The following MB21D2 variants were observed in gnomAD, a reference collection of about 807,000 sequenced individuals.
The protein encoded by MB21D2 is nucleotidyltransferase MB21D2.
Under a neutral mutation model 33.3 loss-of-function variants are expected in MB21D2, and 9 were observed. That is an observed-to-expected ratio of 0.27 (90% CI 0.16 to 0.47). The LOEUF is 0.47. Among genes scored for constraint, MB21D2 ranks in the 20% least tolerant of loss-of-function variants. MB21D2 has a pLI of 0.99. For missense variants in MB21D2, 540 were observed against 624.6 expected (o/e 0.86, Z 1.44); for synonymous variants, 241 against 236.3 (o/e 1.02, Z -0.18).
intron 1 of MB21D2, among the ~76,000 whole-genome samples, chr3:192,891,793 T>C (rs1410366877): frequency 6.6e-6 from 1 of 152,090 alleles, no homozygotes; most frequent in Non-Finnish European, 1.5e-5. Flanking sequence ...CTTCAATAAA[T>C]GTCAGCTGTT....
chr3:192,840,490 G>A (rs578069575), intron 1 of MB21D2, among the ~76,000 whole-genome samples: 7 of 126,200 alleles, frequency 5.5e-5, no homozygotes, highest in Admixed American at 1.9e-4. Context: ...TCCAGAGAGC[G>A]TTATTGGGAG....
chr3:192,847,491 A>G (rs1161994839), intron 1 of MB21D2, among the ~76,000 whole-genome samples: 1 of 152,196 alleles, frequency 6.6e-6, no homozygotes, highest in African/African-American at 2.4e-5. Flanking sequence ...TCCTCATTGT[A>G]AAATATGATC....
chr3:192,825,555 C>T (rs1712156978), intron 1 of MB21D2, among the ~76,000 whole-genome samples: 1 of 152,204 alleles, frequency 6.6e-6, no homozygotes, highest in Non-Finnish European at 1.5e-5. Context: ...AAGCTTCCAG[C>T]CCACACAATC....
intron 1 of MB21D2, among the ~76,000 whole-genome samples, chr3:192,812,461 G>C (rs191913285): frequency 6.6e-6 from 1 of 152,326 alleles, no homozygotes; most frequent in Non-Finnish European, 1.5e-5. Context: ...AGCTGAATCA[G>C]TAAATAGATG....
intron 1 of MB21D2, among the ~76,000 whole-genome samples, chr3:192,916,856 C>T (rs562952700): frequency 6.6e-6 from 1 of 152,286 alleles, no homozygotes; most frequent in South Asian, 2.1e-4. Flanking sequence ...CCTCTTTCGG[C>T]CAGCGCTAAG....
intron 1 of MB21D2, among the ~76,000 whole-genome samples, chr3:192,855,657 A>T (rs548550918): frequency 6.6e-6 from 1 of 152,376 alleles, no homozygotes; most frequent in Non-Finnish European, 1.5e-5. Flanking sequence ...GCCAGGATTC[A>T]GTACTAGGTC....
chr3:192,861,954 C>A (rs1313844280), intron 1 of MB21D2, among the ~76,000 whole-genome samples: 1 of 152,194 alleles, frequency 6.6e-6, no homozygotes, highest in Non-Finnish European at 1.5e-5. Context: ...AGGCCAGGTA[C>A]AGCAGAGTAA....
At chr3:192,835,320 G>A (rs1325752451) in intron 1 of MB21D2, among the ~76,000 whole-genome samples, 5 of 150,958 alleles carry the variant, frequency 3.3e-5, no homozygotes, top group African/African-American at 7.3e-5. Context: ...GCTGGGTGTG[G>A]TGGCGGGCAC....
chr3:192,844,159 G>A (rs1037017172), intron 1 of MB21D2, among the ~76,000 whole-genome samples: 13 of 152,274 alleles, frequency 8.5e-5, no homozygotes, highest in South Asian at 2.1e-4. Flanking sequence ...GCCAGCCCAC[G>A]GGGCATCTAA....
At chr3:192,800,100 T>A (rs906543431) in intron 1 of MB21D2, among the ~76,000 whole-genome samples, 1 of 152,196 alleles carries the variant, frequency 6.6e-6, no homozygotes, top group Admixed American at 6.5e-5. Context: ...AAGTTCGGCC[T>A]TTTTTATCTA....
rs541741341 is a variant in MB21D2 at position 192,861,811 on chromosome 3, A to G, written c.211+55819T>C. Among the ~76,000 whole-genome samples the G allele has an allele frequency of 7.2e-5, 11 of 152,238 alleles. No individual in the cohort carries two copies. In the South Asian group the frequency reaches 2.3e-3, roughly 32 times the overall value. On this transcript the variant is annotated intron_variant, in intron 1 of 1. Transcript: ENST00000392452. The stretch of plus-strand genomic sequence containing the variant: ...CAAGAGCAAAACTCCATCCCAAAAA[A>G]CAACAAAAAAACAAAAACATAGACC...
At chr3:192,805,567 C>T (rs79329990) in intron 1 of MB21D2, among the ~76,000 whole-genome samples, 132 of 152,222 alleles carry the variant, frequency 8.7e-4, no homozygotes, top group Non-Finnish European at 4.3e-4. Context: ...GATGTCACTC[C>T]AAAGGAGTCT....
chr3:192,801,023 G>C (rs930653170), intron 1 of MB21D2, among the ~76,000 whole-genome samples: 1 of 152,312 alleles, frequency 6.6e-6, no homozygotes, highest in East Asian at 1.9e-4. Context: ...TTTTTTAAGA[G>C]ATTGTGGGTC....
At chr3:192,842,590 T>C (rs901536570) in intron 1 of MB21D2, among the ~76,000 whole-genome samples, 5 of 152,114 alleles carry the variant, frequency 3.3e-5, no homozygotes, top group Non-Finnish European at 7.4e-5. Context: ...CAACTAATAA[T>C]AATGATAATA....
intron 1 of MB21D2, among the ~76,000 whole-genome samples, chr3:192,838,017 G>A (rs1210586093): frequency 1.3e-5 from 2 of 152,238 alleles, no homozygotes; most frequent in Admixed American, 6.5e-5. Flanking sequence ...GAAACGAGGA[G>A]CAGCAGAGCT....
At chr3:192,875,540 T>C (rs974987881) in intron 1 of MB21D2, among the ~76,000 whole-genome samples, 4 of 152,218 alleles carry the variant, frequency 2.6e-5, no homozygotes, top group Non-Finnish European at 5.9e-5. Flanking sequence ...ATTCGCTATG[T>C]TTATACAGCA....
chr3:192,885,153 G>A (rs571326387), intron 1 of MB21D2, among the ~76,000 whole-genome samples: 21 of 152,114 alleles, frequency 1.4e-4, no homozygotes, highest in Non-Finnish European at 2.2e-4. Flanking sequence ...TTCAGATACC[G>A]GATGTGACTA....
intron 1 of MB21D2, among the ~76,000 whole-genome samples, chr3:192,841,585 CCCAGT>C (rs1293150308): frequency 6.6e-6 from 1 of 152,244 alleles, no homozygotes; most frequent in Non-Finnish European, 1.5e-5. Context: ...GATACTCCAG[CCCAGT>C]CAAGTGTTCC....
chr3:192,819,125 G>A (rs1286687132), intron 1 of MB21D2, among the ~76,000 whole-genome samples: 1 of 152,176 alleles, frequency 6.6e-6, no homozygotes, highest in Non-Finnish European at 1.5e-5. Context: ...AGATCCCAGG[G>A]CTCCTGAAGA....
Sources: gnomAD v4.1 joint callset for allele counts (sites outside exome capture counted in the v4.1 genomes callset) on GRCh38, gnomAD v4.1.1 for gene constraint, MANE v1.5 for transcripts, NCBI Gene and HGNC (gene_info 2026-07-23, HGNC 2026-07-21) for gene names.